The following RECQL5 variants were observed in gnomAD, a reference collection of about 807,000 sequenced individuals.
The protein encoded by RECQL5 is RecQ like helicase 5.
In RECQL5, 88 loss-of-function variants were observed where a neutral mutation model predicts 103.4. The observed-to-expected ratio is 0.85, with a 90% CI of 0.72 to 1.02. The LOEUF is 1.02. Among genes scored for constraint, RECQL5 ranks in the 50% least tolerant of loss-of-function variants. RECQL5 has a pLI of 0.00. For missense variants in RECQL5, 1,232 were observed against 1,284.3 expected, an observed-to-expected ratio of 0.96 and a Z score of 0.62; for synonymous variants, 552 against 507.9, an observed-to-expected ratio of 1.09 and a Z score of -1.17.
Position 75,640,823 on chromosome 17 carries a change from A to AGCTGCTGCTGCACTCACT in RECQL5, c.1230-9173_1230-9156dup, listed in dbSNP as rs1406924708. 6.5e-6 allele frequency: 10 copies of AGCTGCTGCTGCACTCACT among 1,550,068 alleles called. No individual in the cohort carries two copies. Among genetic ancestry groups the AGCTGCTGCTGCACTCACT allele is most frequent in the Non-Finnish European group, 8.7e-6 (10 of 1,146,950 alleles). ...TCTGCTGTTGCTGCTGATAGCCTGC[A>AGCTGCTGCTGCACTCACT]GCTGCTGCTGCACTCACTGCTGCTG... On this transcript the variant is annotated intron_variant, in intron 8 of 19. Coordinates refer to ENST00000317905, the MANE Select transcript of RECQL5 (RefSeq NM_004259.7). This position sits in a 1 kb window ranked among gnomAD's most constrained non-coding sequence, Gnocchi z 4.6.
At chr17:75,658,219 A>C in intron 7 of RECQL5, 79 bp downstream of exon 7, 1 of 1,493,646 alleles carries the variant, frequency 6.7e-7, no homozygotes, top group African/African-American at 1.4e-5. Context: ...CACAAGCATC[A>C]TCAGAGTTCA....
intron 8 of RECQL5, chr17:75,640,000 G>T: frequency 1.5e-6 from 1 of 654,110 alleles, no homozygotes; most frequent in Non-Finnish European, 2.5e-6. Flanking sequence ...TGTCAGCTGG[G>T]TGGGGACTGA....
At chr17:75,666,860 C>G in intron 1 of RECQL5, 184 bp downstream of exon 1, 1 of 312,436 alleles carries the variant, frequency 3.2e-6, no homozygotes, top group Non-Finnish European at 6.0e-6. Context: ...GTCTTCAGAA[C>G]AGCTTGGAGA....
At position 75,628,303 on chromosome 17, in the gene RECQL5, G is replaced by C; in HGVS notation, c.2720C>G (p.Ala907Gly). 2.5e-6 allele frequency: 4 copies of C among 1,614,182 alleles called. No individual in the cohort carries two copies. Among genetic ancestry groups the C allele is most frequent in the Non-Finnish European group, 3.4e-6 (4 of 1,180,042 alleles). ...PTAQDPFQLS[A>G]PGVSLKEAAN... is the part of the protein sequence containing the mutation. ...AGCCTCCTTCAAGGAGACGCCAGGA[G>C]CGGAGAGCTGGAAGGGGTCTTGAGC... The change falls in exon 18 of 20, where the codon GCT (alanine) becomes GGT (glycine). Residue 907 changes from alanine to glycine, a missense_variant. By Grantham distance (60) the Ala-to-Gly change is moderately conservative. Coordinates refer to ENST00000317905, the MANE Select transcript of RECQL5 (RefSeq NM_004259.7).
chr17:75,656,902 G>A (rs972170938), intron 7 of RECQL5, among the ~76,000 whole-genome samples: 13 of 151,952 alleles, frequency 8.6e-5, no homozygotes, highest in South Asian at 4.2e-4. Flanking sequence ...CCGCCACCAC[G>A]CCCGGCTAAT....
chr17:75,666,618 C>G, intron 1 of RECQL5, 47 bp from the exon 2 acceptor site: 1 of 1,567,208 alleles, frequency 6.4e-7, no homozygotes, highest in Non-Finnish European at 8.7e-7. Context: ...CCACGAGAAC[C>G]CTCTGTTTTG....
At chr17:75,648,539 A>AT (rs2059515714) in intron 8 of RECQL5, among the ~76,000 whole-genome samples, 1 of 151,250 alleles carries the variant, frequency 6.6e-6, no homozygotes, top group South Asian at 2.1e-4. Flanking sequence ...TGACCGGCTA[A>AT]TTTTTTTGTA....
rs561734427 is a variant in RECQL5, at chr17:75,631,576, C to G, written c.1322G>C (p.Arg441Pro). The G allele has an allele frequency of 1.2e-6, 2 of 1,613,070 alleles. No homozygotes were observed. Among genetic ancestry groups the G allele is most frequent in the Admixed American group, 1.7e-5 (1 of 60,014 alleles). Reference sequence around the variant, plus strand: ...GCGCTCCAAGGCCTCCAGCCGCCTCCGCACGGCCGTGGGGTTCTGGCAGTG... The same window carrying G: ...GCGCTCCAAGGCCTCCAGCCGCCTCGGCACGGCCGTGGGGTTCTGGCAGTG... ...CDHCQNPTAVRRRLEALERSS... is the reference protein window; with the variant it reads ...CDHCQNPTAVPRRLEALERSS... Residue 441 changes from arginine (R) to proline (P), a missense_variant, in exon 9 of 20, where the codon CGG becomes CCG. Coordinates refer to ENST00000317905, the MANE Select transcript of RECQL5 (RefSeq NM_004259.7).
At chr17:75,666,786 TGA>T (rs1057040604) in intron 1 of RECQL5, 14 of 541,608 alleles carry the variant, frequency 2.6e-5, no homozygotes, top group Non-Finnish European at 4.6e-5. Context: ...ATGAAAACAT[TGA>T]ACTATTCCAG....
At chr17:75,660,565 C>T (rs1317620590) in intron 6 of RECQL5, among the ~76,000 whole-genome samples, 1 of 152,218 alleles carries the variant, frequency 6.6e-6, no homozygotes, top group Non-Finnish European at 1.5e-5. Flanking sequence ...TTTTCAACTC[C>T]ATTACAATCT....
intron 7 of RECQL5, among the ~76,000 whole-genome samples, chr17:75,655,731 A>G (rs2059611614): frequency 6.7e-6 from 1 of 149,522 alleles, no homozygotes; most frequent in Admixed American, 6.7e-5. Flanking sequence ...TGCGTCCTCC[A>G]CTCCATGGTA....
In RECQL5 at chr17:75,631,266, C is replaced by T. The variant is rs200162409; in HGVS notation, c.1449-17G>A. The T allele has an allele frequency of 5.5e-5, 88 of 1,609,766 alleles. No homozygotes were observed. In the East Asian group the frequency reaches 1.5e-3, roughly 27 times the overall value. The stretch of plus-strand genomic sequence containing the variant: ...TCGTCATACCTAGGGACAGGCCAGG[C>T]GTGAGTGGCCCTGGCCTGGGCTCTG... On this transcript the variant is annotated splice_polypyrimidine_tract_variant and intron_variant, in intron 9 of 19. Transcript: ENST00000317905.
At chr17:75,649,701 A>G in intron 8 of RECQL5, 2 of 985,512 alleles carry the variant, frequency 2.0e-6, no homozygotes, top group Non-Finnish European at 2.4e-6. Context: ...TTCAAAGAAC[A>G]GTAGCCAATA....
intron 1 of RECQL5, 94 bp from the exon 2 acceptor site, chr17:75,666,665 C>T: frequency 1.7e-6 from 2 of 1,188,730 alleles, no homozygotes; most frequent in East Asian, 2.5e-5. Context: ...TAACAATTTG[C>T]TATATTACAC....
chr17:75,640,112 C>T lies in RECQL5; in HGVS notation c.1230-8444G>A, dbSNP rs965612442. The T allele has an allele frequency of 2.8e-6, 4 of 1,436,832 alleles. No individual in the cohort carries two copies. The highest frequency in any genetic ancestry group is 3.6e-6 in the Non-Finnish European group (4 of 1,096,186). The allele number at this position is 1,436,832 out of a possible 1,614,324, so 89.0% of individuals were successfully genotyped here. A position where few individuals can be genotyped will look rare whatever the true frequency, so the allele number is the denominator to read the frequency against. Reference sequence around the variant, plus strand: ...GTGCGAGGGTGGAATCTCGGTGCTGCGACGAGTGTGGGGCCAGCCGTGGAG... The same window carrying T: ...GTGCGAGGGTGGAATCTCGGTGCTGTGACGAGTGTGGGGCCAGCCGTGGAG... On this transcript the variant is annotated intron_variant, in intron 8 of 19. Transcript: ENST00000317905. The surrounding 1 kb of genome is among the most constrained non-coding windows in gnomAD (Gnocchi z 4.6).
In RECQL5 at chr17:75,640,113, G is replaced by C; in HGVS notation, c.1230-8445C>G. 2 of 1,438,944 alleles carry C rather than the reference G, an allele frequency of 1.4e-6. No individual in the cohort carries two copies. Among genetic ancestry groups the C allele is most frequent in the Non-Finnish European group, 1.8e-6 (2 of 1,098,228 alleles). 89.1% of individuals were successfully genotyped at this position (1,438,944 alleles called of 1,614,324 possible). A position where few individuals can be genotyped will look rare whatever the true frequency, so the allele number is the denominator to read the frequency against. The stretch of plus-strand genomic sequence containing the variant: ...TGCGAGGGTGGAATCTCGGTGCTGC[G>C]ACGAGTGTGGGGCCAGCCGTGGAGG... On this transcript the variant is annotated intron_variant, in intron 8 of 19. Transcript: ENST00000317905. This position sits in a 1 kb window ranked among gnomAD's most constrained non-coding sequence, Gnocchi z 4.6.
chr17:75,647,309 A>G, intron 8 of RECQL5: 1 of 1,415,820 alleles, frequency 7.1e-7, no homozygotes, highest in Non-Finnish European at 9.5e-7. Flanking sequence ...GGCAGAGCAT[A>G]GCACCTGGGA....
chr17:75,647,421 C>T, intron 8 of RECQL5: 1 of 1,550,022 alleles, frequency 6.5e-7, no homozygotes. Context: ...ATGATGCGTT[C>T]TGGCAGAACC....
At chr17:75,635,577 G>A (rs1323094835) in intron 8 of RECQL5, among the ~76,000 whole-genome samples, 1 of 152,192 alleles carries the variant, frequency 6.6e-6, no homozygotes, top group Admixed American at 6.5e-5. Context: ...GTTGGAGCCA[G>A]GGCAAAAAGG....
Sources: allele counts gnomAD v4.1 joint callset (sites outside exome capture counted in the v4.1 genomes callset), GRCh38; gene constraint gnomAD v4.1.1; non-coding constraint Gnocchi (gnomAD v3.1); transcripts MANE v1.5; gene names NCBI Gene and HGNC (gene_info 2026-07-23, HGNC 2026-07-21).